NAXD: variants seen among roughly 807,000 people sequenced by gnomAD.
NAXD encodes ATP-dependent (S)-NAD(P)H-hydrate dehydratase.
Under a neutral mutation model 35.8 loss-of-function variants are expected in NAXD, and 22 were observed. That is an observed-to-expected ratio of 0.62 (90% CI 0.44 to 0.88). NAXD has a LOEUF of 0.88. Among genes scored for constraint, NAXD ranks in the 40% least tolerant of loss-of-function variants. NAXD has a pLI of 0.00. For missense variants in NAXD, 428 were observed against 437.7 expected (o/e 0.98, Z 0.20); for synonymous variants, 189 against 177.6 (o/e 1.06, Z -0.51).
intron 4 of NAXD, among the ~76,000 whole-genome samples, chr13:110,625,991 G>GTT (rs1566616594): frequency 6.6e-6 from 1 of 152,154 alleles, no homozygotes; most frequent in African/African-American, 2.4e-5. Context: ...GTGTGATGAC[G>GTT]CCTGGGTCGA....
At chr13:110,616,380 T>TC (rs1818988772) in intron 1 of NAXD, 1 of 152,656 alleles carries the variant, frequency 6.6e-6, no homozygotes, top group Non-Finnish European at 1.5e-5. Flanking sequence ...AGAAAAGGAC[T>TC]CCACCAGCCA....
chr13:110,633,017 C>T (rs540498448), intron 5 of NAXD, among the ~76,000 whole-genome samples: 4 of 152,324 alleles, frequency 2.6e-5, no homozygotes, highest in Non-Finnish European at 5.9e-5. Context: ...GCCAGTCCTG[C>T]GCCGTGCGTT....
At chr13:110,624,905 C>G (rs1000346370) in intron 3 of NAXD, among the ~76,000 whole-genome samples, 2 of 152,256 alleles carry the variant, frequency 1.3e-5, no homozygotes. Flanking sequence ...CGGCCGGCCT[C>G]TTCCTGTGAC....
Position 110,638,156 on chromosome 13 carries a change from C to G in NAXD, c.840-222C>G. ...CTAGCCCTGGACCTGTCTCCGAGTA[C>G]ATAGACGTTTCCTGTGTGCCTCCTG... is the stretch of plus-strand genomic sequence containing the variant. On this transcript the variant is annotated intron_variant, in intron 9 of 9. Coordinates refer to ENST00000680254, the MANE Select transcript of NAXD (RefSeq NM_001242882.2). This position sits in a 1 kb window ranked among gnomAD's most constrained non-coding sequence, Gnocchi z 5.4. 3.7e-6 allele frequency: 5 copies of G among 1,342,722 alleles called. No homozygotes were observed. Among genetic ancestry groups the G allele is most frequent in the Non-Finnish European group, 5.1e-6 (5 of 975,352 alleles). The allele number at this position is 1,342,722 out of a possible 1,614,324, so 83.2% of individuals were successfully genotyped here. A position where few individuals can be genotyped will look rare whatever the true frequency, so the allele number is the denominator to read the frequency against.
intron 1 of NAXD, among the ~76,000 whole-genome samples, chr13:110,621,150 C>T (rs767254841): frequency 6.6e-6 from 1 of 152,126 alleles, no homozygotes; most frequent in Non-Finnish European, 1.5e-5. Context: ...AATTAATACC[C>T]AGTTGAGTGT....
rs555954685 is a variant in NAXD, at chr13:110,615,606, C to T, written c.5C>T (p.Ala2Val). The T allele has an allele frequency of 4.5e-5, 65 of 1,444,462 alleles. No homozygotes were observed. Among genetic ancestry groups the T allele is most frequent in the African/African-American group, 2.4e-4 (16 of 67,814 alleles). The allele number at this position is 1,444,462 out of a possible 1,614,324, so 89.5% of individuals were successfully genotyped here. A position where few individuals can be genotyped will look rare whatever the true frequency, so the allele number is the denominator to read the frequency against. ...GGGAATCCGGAATGCTGCCCGATGGCCCTGGGTCCTCGCTGTGGGGCAATC... is the reference window on the plus strand; with the variant it reads ...GGGAATCCGGAATGCTGCCCGATGGTCCTGGGTCCTCGCTGTGGGGCAATC... M[A>V]LGPRCGAIRA... is the part of the protein sequence containing the mutation. The change falls in exon 1 of 10, where the codon GCC becomes GTC. Residue 2 changes from alanine to valine, a missense_variant. By Grantham distance (64) the Ala-to-Val change is moderately conservative. Coordinates refer to ENST00000680254, the MANE Select transcript of NAXD (RefSeq NM_001242882.2).
intron 1 of NAXD, chr13:110,616,003 C>A: frequency 2.5e-6 from 1 of 397,194 alleles, no homozygotes; most frequent in Non-Finnish European, 4.4e-6. Flanking sequence ...GTGCGCGTCC[C>A]AGGAGCGGCG....
At chr13:110,626,550 G>A (rs1201259124) in intron 4 of NAXD, among the ~76,000 whole-genome samples, 1 of 151,798 alleles carries the variant, frequency 6.6e-6, no homozygotes, top group African/African-American at 2.4e-5. Context: ...AGTAAGAGGC[G>A]GAGGGGGGCT....
Position 110,629,571 on chromosome 13 carries a change from G to T in NAXD, c.441+2024G>T, listed in dbSNP as rs148662705. 8.4e-3 allele frequency among the ~76,000 whole-genome samples: 1,281 copies of T among 152,258 alleles called. 23 individuals are homozygous for T. Among genetic ancestry groups the T allele is most frequent in the African/African-American group, 0.029 (1,212 of 41,548 alleles). The stretch of plus-strand genomic sequence containing the variant: ...TCATATGAATGGAATTATGCAACGT[G>T]TGCTATTTAGTGATTAGTTATGTCA... On this transcript the variant is annotated intron_variant, in intron 5 of 9. Coordinates refer to ENST00000680254, the MANE Select transcript of NAXD (RefSeq NM_001242882.2).
chr13:110,634,280 G>A (rs1197074391), intron 5 of NAXD, among the ~76,000 whole-genome samples: 2 of 152,284 alleles, frequency 1.3e-5, no homozygotes, highest in South Asian at 2.1e-4. Context: ...ATGAACAGGC[G>A]TTTACTGGCT....
Position 110,638,602 on chromosome 13 carries a change from A to G in NAXD, c.*74A>G. The G allele has an allele frequency of 6.5e-7, 1 of 1,550,180 alleles. No individual in the cohort carries two copies. The highest frequency in any genetic ancestry group is 1.7e-5 in the Admixed American group (1 of 59,844). The stretch of plus-strand genomic sequence containing the variant: ...GTGTGTGATGGGAAAATCCGGACCC[A>G]CGCGTGTGCTGAAGGCGTACGGTGC... On this transcript the variant is annotated 3_prime_UTR_variant, in exon 10 of 10. Coordinates refer to ENST00000680254, the MANE Select transcript of NAXD (RefSeq NM_001242882.2). The surrounding 1 kb of genome is among the most constrained non-coding windows in gnomAD (Gnocchi z 5.4).
chr13:110,616,435 A>C (rs985629636), intron 1 of NAXD: 3 of 152,388 alleles, frequency 2.0e-5, no homozygotes, highest in Non-Finnish European at 4.4e-5. Context: ...GTGTGCGTGT[A>C]GGAGGTCCCT....
Position 110,638,185 on chromosome 13 carries a change from G to A in NAXD, c.840-193G>A. On this transcript the variant is annotated intron_variant, in intron 9 of 9. Coordinates refer to ENST00000680254, the MANE Select transcript of NAXD (RefSeq NM_001242882.2). The surrounding 1 kb of genome is among the most constrained non-coding windows in gnomAD (Gnocchi z 5.4). Reference sequence around the variant, plus strand: ...GACGTTTCCTGTGTGCCTCCTGCCAGGGAGTAGTGGAGGGTTAATGGTGGT... The same window carrying A: ...GACGTTTCCTGTGTGCCTCCTGCCAAGGAGTAGTGGAGGGTTAATGGTGGT... The A allele has an allele frequency of 6.7e-7, 1 of 1,482,726 alleles. No individual in the cohort carries two copies. The highest frequency in any genetic ancestry group is 9.1e-7 in the Non-Finnish European group (1 of 1,101,054). The allele number at this position is 1,482,726 out of a possible 1,614,324, so 91.8% of individuals were successfully genotyped here.
At chr13:110,631,209 T>C (rs1886684183) in intron 5 of NAXD, among the ~76,000 whole-genome samples, 1 of 152,240 alleles carries the variant, frequency 6.6e-6, no homozygotes, top group South Asian at 2.1e-4. Flanking sequence ...TCGTTAACAG[T>C]GTGTCCTGGA....
In NAXD at chr13:110,635,601, T is replaced by C. The variant is rs1886895248; in HGVS notation, c.718+13T>C. 1 of 1,613,238 alleles carries C rather than the reference T, an allele frequency of 6.2e-7. No homozygotes were observed. Among genetic ancestry groups the C allele is most frequent in the Non-Finnish European group, 8.5e-7 (1 of 1,179,804 alleles). On this transcript the variant is annotated intron_variant, in intron 8 of 9. Coordinates refer to ENST00000680254, the MANE Select transcript of NAXD (RefSeq NM_001242882.2). ...AACGGCCAGCAGGGTGAGTGGCGGC[T>C]GCCCTCTGTGCATGGGCCAGTGCCA...
chr13:110,627,986 A>G (rs904100156), intron 5 of NAXD, among the ~76,000 whole-genome samples: 1 of 152,110 alleles, frequency 6.6e-6, no homozygotes, highest in Non-Finnish European at 1.5e-5. Context: ...TCAGGCTGTG[A>G]GGTGACACGG....
At chr13:110,627,305 C>A in intron 4 of NAXD, 134 bp from the exon 5 acceptor site, 1 of 663,244 alleles carries the variant, frequency 1.5e-6, no homozygotes, top group Non-Finnish European at 2.6e-6. Context: ...AATAATAAAT[C>A]TAAATTACAG....
chr13:110,637,203 G>A lies in NAXD; in HGVS notation c.793G>A (p.Val265Ile), dbSNP rs531114784. Reference protein sequence around the residue: ...QGDLLSGSLGVLVHWALLAGP... With the variant: ...QGDLLSGSLGILVHWALLAGP... ...GGACCTCCTGTCGGGCTCCCTGGGC[G>A]TCCTGGTACACTGGGCGCTCCTTGC... The change falls in exon 9 of 10, where the codon GTC becomes ATC. Residue 265 changes from valine to isoleucine, a missense_variant. Physicochemically the swap from Val to Ile is conservative, Grantham distance 29 (BLOSUM62 3). Around this residue, in one of 3 missense-constraint regions of NAXD, gnomAD observed 209 missense variants for 214.6 expected, o/e 0.97. Coordinates refer to ENST00000680254, the MANE Select transcript of NAXD (RefSeq NM_001242882.2). 130 of 1,614,050 alleles carry A rather than the reference G, an allele frequency of 8.1e-5. 2 individuals carry two copies. The highest frequency in any genetic ancestry group is 6.7e-4 in the South Asian group (61 of 91,074).
At chr13:110,616,791 T>TA (rs1886075421) in intron 1 of NAXD, among the ~76,000 whole-genome samples, 1 of 152,168 alleles carries the variant, frequency 6.6e-6, no homozygotes, top group Admixed American at 6.5e-5. Flanking sequence ...TAGCCAGGAT[T>TA]CTCCAGCCAG....
Sources: gnomAD v4.1 joint callset for allele counts (sites outside exome capture counted in the v4.1 genomes callset) on GRCh38, gnomAD v4.1.1 for gene constraint, gnomAD v4.1.1 regional missense constraint, Gnocchi (gnomAD v3.1) non-coding constraint, MANE v1.5 for transcripts, NCBI Gene and HGNC (gene_info 2026-07-23, HGNC 2026-07-21) for gene names.